Variants in CD1B observed in about 807,000 individuals in gnomAD.
The protein encoded by CD1B is CD1b molecule, also known as T-cell surface glycoprotein CD1b.
CD1B carries 43 observed loss-of-function variants against 39.8 expected under a neutral mutation model. The observed-to-expected ratio is 1.08, with a 90% CI of 0.85 to 1.39. The LOEUF (loss-of-function observed/expected upper bound fraction) is 1.39. Among genes scored for constraint, CD1B ranks in the 40% most tolerant of loss-of-function variants. The probability of loss-of-function intolerance (pLI) is 0.00; values close to 1 mark genes in which losing one functional copy is unlikely to be tolerated. For missense variants in CD1B, 495 were observed against 403.8 expected (o/e 1.23, Z -1.94); for synonymous variants, 192 against 152.5 (o/e 1.26, Z -1.91).
In CD1B at chr1:158,329,420, C is replaced by A. The variant is rs778675482; in HGVS notation, c.836G>T (p.Cys279Phe). 6.2e-7 allele frequency: 1 copy of A among 1,614,066 alleles called. No homozygotes were observed. The highest frequency in any genetic ancestry group is 8.5e-7 in the Non-Finnish European group (1 of 1,180,050). Residue 279 changes from cysteine (C) to phenylalanine (F), a missense_variant, in exon 4 of 6, where the codon TGT becomes TTT. Cys to Phe is a radical substitution (Grantham distance 205). Transcript: ENST00000368168. ...CTCTAAACTGCTGTGCTTCACCCGA[C>A]AGGACAGGCCAGCCGCCTCCCCATC... ...VADGEAAGLS[C>F]RVKHSSLEGQ...
chr1:158,285,894 C>T, the CD1B span, among the ~76,000 whole-genome samples: 2 of 152,066 alleles, frequency 1.3e-5, no homozygotes, highest in African/African-American at 4.8e-5. Context: ...GTAAGAGTCA[C>T]GTGGCTGTGG....
chr1:158,330,225 AG>A, intron 2 of CD1B, 95 bp from the exon 3 acceptor site: 1 of 1,146,586 alleles, frequency 8.7e-7, no homozygotes, highest in African/African-American at 1.6e-5. Flanking sequence ...GTGGGGATAA[AG>A]TTATTTGGTG....
chr1:158,301,190 A>G, the CD1B span, among the ~76,000 whole-genome samples: 1 of 151,840 alleles, frequency 6.6e-6, no homozygotes, highest in Non-Finnish European at 1.5e-5. Context: ...GTGTCTCTGC[A>G]CTTGAGATGG....
At chr1:158,296,140 C>T in the CD1B span, among the ~76,000 whole-genome samples, 11 of 152,060 alleles carry the variant, frequency 7.2e-5, no homozygotes, top group South Asian at 2.1e-4. Flanking sequence ...AGACCCCCAC[C>T]GCCACTGCCC....
At chr1:158,317,042 C>T in the CD1B span, among the ~76,000 whole-genome samples, 26 of 151,694 alleles carry the variant, frequency 1.7e-4, no homozygotes, top group Admixed American at 8.5e-4. Context: ...TTTTGATGTG[C>T]TGCTGGATTT....
the CD1B span, among the ~76,000 whole-genome samples, chr1:158,316,090 G>C: frequency 6.6e-6 from 1 of 151,936 alleles, no homozygotes; most frequent in Non-Finnish European, 1.5e-5. Context: ...GTCAGGTAGT[G>C]TGATGCCTCC....
chr1:158,316,055 C>A, the CD1B span, among the ~76,000 whole-genome samples: 1 of 152,004 alleles, frequency 6.6e-6, no homozygotes, highest in Admixed American at 6.6e-5. Flanking sequence ...GTTTTGGTTA[C>A]TGTAGCCTTG....
chr1:158,306,690 C>G, the CD1B span, among the ~76,000 whole-genome samples: 1 of 152,182 alleles, frequency 6.6e-6, no homozygotes, highest in Non-Finnish European at 1.5e-5. Flanking sequence ...GTAAAGGTCT[C>G]CTTAGCAAAT....
the CD1B span, among the ~76,000 whole-genome samples, chr1:158,312,086 G>C: frequency 6.6e-6 from 1 of 152,140 alleles, no homozygotes; most frequent in East Asian, 1.9e-4. Context: ...GCTTTGGGTA[G>C]TATGGGCATT....
At chr1:158,298,150 A>C in the CD1B span, among the ~76,000 whole-genome samples, 1 of 152,154 alleles carries the variant, frequency 6.6e-6, no homozygotes, top group Non-Finnish European at 1.5e-5. Flanking sequence ...GGACATAGAA[A>C]AACATTATTT....
the CD1B span, among the ~76,000 whole-genome samples, chr1:158,301,174 C>T: frequency 0.019 from 2,949 of 152,034 alleles, 97 homozygotes; most frequent in African/African-American, 0.067. Flanking sequence ...TATTTTGAGC[C>T]TATGTGTGTC....
chr1:158,293,140 G>C, the CD1B span: 2 of 1,219,204 alleles, frequency 1.6e-6, no homozygotes, highest in Non-Finnish European at 2.4e-6. Flanking sequence ...TGTTAAGTAA[G>C]GAAATCAATA....
intron 5 of CD1B, 127 bp from the exon 6 acceptor site, chr1:158,328,384 G>C: frequency 3.1e-6 from 2 of 644,536 alleles, no homozygotes; most frequent in Non-Finnish European, 5.3e-6. Flanking sequence ...ACGAATGGAT[G>C]AACAAAATGT....
the CD1B span, among the ~76,000 whole-genome samples, chr1:158,289,346 T>C: frequency 6.6e-6 from 1 of 152,224 alleles, no homozygotes; most frequent in Non-Finnish European, 1.5e-5. Context: ...TTAAATGCAG[T>C]AGAAGGGCTT....
chr1:158,328,120 A>G lies in CD1B; in HGVS notation c.*116T>C. ...AATAATTTATTTTAAAATACATGAAAACTCTGATTTCATCAAATTTGAAAA... is the reference window on the plus strand; with the variant it reads ...AATAATTTATTTTAAAATACATGAAGACTCTGATTTCATCAAATTTGAAAA... On this transcript the variant is annotated 3_prime_UTR_variant, in exon 6 of 6. Coordinates refer to ENST00000368168, the MANE Select transcript of CD1B (RefSeq NM_001764.3). 1 of 820,892 alleles carries G rather than the reference A, an allele frequency of 1.2e-6. No homozygotes were observed. The highest frequency in any genetic ancestry group is 2.0e-6 in the Non-Finnish European group (1 of 495,922). The allele number at this position is 820,892 out of a possible 1,614,324, so 50.9% of individuals were successfully genotyped here.
In CD1B at chr1:158,329,601, G is replaced by A. The variant is rs775927439; in HGVS notation, c.655C>T (p.Arg219Cys). Residue 219 changes from arginine to cysteine, a missense_variant, in exon 4 of 6, where the codon CGT becomes TGT. Transcript: ENST00000368168. ...GAGACATGGCACACAAGCTGCAGAC[G>A]GCCAGGTCCAGGACTGGGGCCACTG... Reference protein sequence around the residue: ...LSSGPSPGPGRLQLVCHVSGF... With the variant: ...LSSGPSPGPGCLQLVCHVSGF... 14 of 1,614,048 alleles carry A rather than the reference G, an allele frequency of 8.7e-6. No individual in the cohort carries two copies. In the South Asian group the frequency reaches 1.1e-4, roughly 13 times the overall value.
the CD1B span, among the ~76,000 whole-genome samples, chr1:158,320,904 A>G: frequency 2.1e-4 from 32 of 152,288 alleles, no homozygotes; most frequent in East Asian, 6.2e-3. Flanking sequence ...TTAATATGTT[A>G]AGACTTTTAT....
chr1:158,316,278 C>T, the CD1B span, among the ~76,000 whole-genome samples: 1 of 152,006 alleles, frequency 6.6e-6, no homozygotes, highest in Non-Finnish European at 1.5e-5. Context: ...ATTGATTCTT[C>T]CTACCCATGA....
the CD1B span, among the ~76,000 whole-genome samples, chr1:158,287,205 C>G: frequency 1.3e-5 from 2 of 152,140 alleles, no homozygotes; most frequent in Admixed American, 1.3e-4. Context: ...GACTCAGTTT[C>G]TAGTGAAGGT....
Sources: gnomAD v4.1 joint callset for allele counts (sites outside exome capture counted in the v4.1 genomes callset) on GRCh38, gnomAD v4.1.1 for gene constraint, MANE v1.5 for transcripts, NCBI Gene and HGNC (gene_info 2026-07-23, HGNC 2026-07-21) for gene names.